The following A2ML1 variants were observed in gnomAD, a reference collection of about 807,000 sequenced individuals.
A2ML1 encodes alpha-2-macroglobulin-like protein 1.
In A2ML1, 161 loss-of-function variants were observed where a neutral mutation model predicts 181.9. The ratio of observed to expected loss-of-function variants is 0.89; its 90% CI spans 0.78 to 1.01. The LOEUF (loss-of-function observed/expected upper bound fraction) is 1.01, where lower values mean the gene tolerates loss of function less well. Among genes scored for constraint, A2ML1 ranks in the 50% least tolerant of loss-of-function variants. The pLI, the probability that A2ML1 is intolerant of heterozygous loss-of-function variation, is 0.00. For missense variants in A2ML1, 1,670 were observed against 1,768.1 expected (o/e 0.94, Z 1.00); for synonymous variants, 663 against 666.8 (o/e 0.99, Z 0.09).
intron 28 of A2ML1, among the ~76,000 whole-genome samples, chr12:8,861,511 G>A (rs1944262003): frequency 6.6e-6 from 1 of 151,998 alleles, no homozygotes; most frequent in African/African-American, 2.4e-5. Flanking sequence ...TTTTTGAGAC[G>A]GAGTCTTGCT....
intron 10 of A2ML1, 24 bp downstream of exon 10, chr12:8,839,246 T>A (rs755767201): frequency 1.9e-6 from 3 of 1,569,312 alleles, no homozygotes; most frequent in Non-Finnish European, 2.6e-6. Flanking sequence ...TTTCTCTGCA[T>A]AGACAAAAAA....
At chr12:8,842,923 C>T (rs756004924) in intron 11 of A2ML1, among the ~76,000 whole-genome samples, 7 of 152,210 alleles carry the variant, frequency 4.6e-5, no homozygotes, top group East Asian at 1.9e-4. Flanking sequence ...GCCCTTCTGT[C>T]GCTCTCCTAC....
chr12:8,823,222 TC>T lies in A2ML1; in HGVS notation c.105del (p.Val36PhefsTer8). ...ATTACCAGCCCGGCTAAATTTCCCC[TC>T]CGTTCAGAAGGTTTGTTTGGACCTG... is the stretch of plus-strand genomic sequence containing the variant. ...VTLPARLNFP[S>X]VQKVCLDLSP... On this transcript the variant is annotated frameshift_variant, in exon 2 of 36. Transcript: ENST00000299698. LOFTEE classifies it high-confidence loss of function. 3 of 1,614,040 alleles carry T rather than the reference TC, an allele frequency of 1.9e-6. No individual in the cohort carries two copies. Among genetic ancestry groups the T allele is most frequent in the Non-Finnish European group, 2.5e-6 (3 of 1,180,012 alleles).
chr12:8,844,838 C>T (rs1943611042), intron 12 of A2ML1: 1 of 308,448 alleles, frequency 3.2e-6, no homozygotes, highest in African/African-American at 2.2e-5. Flanking sequence ...AGGGCCGAGC[C>T]ACGTGGAATG....
downstream of A2ML1, among the ~76,000 whole-genome samples, chr12:8,879,185 G>A (rs1328603778): frequency 1.3e-5 from 2 of 151,852 alleles, no homozygotes; most frequent in Non-Finnish European, 2.9e-5. Flanking sequence ...GAGAGCAGAG[G>A]GAACTCTAAA....
chr12:8,835,676 G>A lies in A2ML1; in HGVS notation c.643+10G>A, dbSNP rs758546040. 3.1e-6 allele frequency: 5 copies of A among 1,613,854 alleles called. No homozygotes were observed. The African/African-American group carries it at 5.3e-5, about 17-fold the overall frequency. On this transcript the variant is annotated intron_variant, in intron 6 of 35. Transcript: ENST00000299698. ...AGTGTGGAGGAATATGGTAGGTGGG[G>A]AAATGGACAGGCCAAAGTATTGGGC... is the stretch of plus-strand genomic sequence containing the variant.
intron 1 of A2ML1, 73 bp from the exon 2 acceptor site, chr12:8,823,109 C>T (rs1942797450): frequency 8.3e-6 from 12 of 1,439,178 alleles, no homozygotes; most frequent in South Asian, 1.3e-5. Context: ...ACTTGCTGAG[C>T]GCTTAGGAGA....
chr12:8,850,589 C>T (rs1018414857), intron 18 of A2ML1, among the ~76,000 whole-genome samples: 32 of 151,760 alleles, frequency 2.1e-4, no homozygotes, highest in African/African-American at 7.3e-4. Context: ...ACAACGACAA[C>T]GACAACAACA....
intron 15 of A2ML1, 73 bp from the exon 16 acceptor site, chr12:8,848,647 C>A: frequency 7.8e-7 from 1 of 1,284,540 alleles, no homozygotes. Flanking sequence ...AACTGAGCAC[C>A]AGAATCTGAG....
intron 1 of A2ML1, 126 bp from the exon 2 acceptor site, chr12:8,823,056 G>T (rs1942795468): frequency 2.1e-6 from 2 of 931,230 alleles, no homozygotes; most frequent in East Asian, 2.4e-5. Context: ...AGAAAATGAG[G>T]TGCATAAGGA....
At chr12:8,835,409 G>A in intron 5 of A2ML1, 98 bp from the exon 6 acceptor site, 1 of 1,467,840 alleles carries the variant, frequency 6.8e-7, no homozygotes, top group East Asian at 2.3e-5. Flanking sequence ...AACAATGGGT[G>A]GGGTTTTTTA....
intron 12 of A2ML1, among the ~76,000 whole-genome samples, chr12:8,844,107 G>A (rs1174491962): frequency 6.6e-6 from 1 of 151,942 alleles, no homozygotes. Flanking sequence ...GGAAGAAAGA[G>A]ATTCTGAGCA....
At position 8,851,645 on chromosome 12, in the gene A2ML1, A is replaced by G. The variant is rs142759981; in HGVS notation, c.2235-139A>G. Reference sequence around the variant, plus strand: ...GGCCTCAAACTGCTGGGCTGAAGCTATCTGCTCACCTCAGCCTCTCAAAGA... The same window carrying G: ...GGCCTCAAACTGCTGGGCTGAAGCTGTCTGCTCACCTCAGCCTCTCAAAGA... On this transcript the variant is annotated intron_variant, in intron 18 of 35. Transcript: ENST00000299698. The G allele has an allele frequency of 6.6e-6, 5 of 757,210 alleles. No individual in the cohort carries two copies. The East Asian group carries it at 1.1e-4, about 16-fold the overall frequency. 46.9% of individuals were successfully genotyped at this position (757,210 alleles called of 1,614,324 possible).
rs774558077 is a variant in A2ML1 at position 8,852,923 on chromosome 12, T to C, written c.2590+587T>C. ...GTTGGCCAGGCTGGTCTCAAACTCCTGACCTCAGGTGACCTGCCTGCCTCG... is the reference window on the plus strand; with the variant it reads ...GTTGGCCAGGCTGGTCTCAAACTCCCGACCTCAGGTGACCTGCCTGCCTCG... On this transcript the variant is annotated intron_variant, in intron 20 of 35. Transcript: ENST00000299698. The surrounding 1 kb of genome is among the most constrained non-coding windows in gnomAD (Gnocchi z 4.2). 1.3e-5 allele frequency among the ~76,000 whole-genome samples: 2 copies of C among 152,308 alleles called. No individual in the cohort carries two copies. The highest frequency in any genetic ancestry group is 1.3e-4 in the Admixed American group (2 of 15,294).
At chr12:8,826,596 C>T (rs906732005) in intron 3 of A2ML1, among the ~76,000 whole-genome samples, 6 of 152,006 alleles carry the variant, frequency 3.9e-5, no homozygotes, top group South Asian at 4.2e-4. Flanking sequence ...TACAGGCATG[C>T]GCCACCATGC....
At chr12:8,836,481 CTTTTTTTTTTT>C (rs751110394) in intron 7 of A2ML1, 142 bp downstream of exon 7, 4 of 389,928 alleles carry the variant, frequency 1.0e-5, no homozygotes, top group Non-Finnish European at 1.8e-5. Context: ...TATCCAAGAC[CTTTTTTTTTTT>C]TTTTTTTTGA....
rs762811758 is a variant in A2ML1 at position 8,829,779 on chromosome 12, G to A, written c.462G>A (p.Lys154=). ...MDSNFVPVND[K]YSMVELQDPN... ...GCAACTTCGTTCCAGTGAATGACAA[G>A]GTGAGTTGGGAGGAGGAGAAGGAGT... Residue 154 remains lysine (K), a splice_region_variant and synonymous_variant, in exon 4 of 36, where the codon AAG becomes AAA. Coordinates refer to ENST00000299698, the MANE Select transcript of A2ML1 (RefSeq NM_144670.6). 2 of 1,613,970 alleles carry A rather than the reference G, an allele frequency of 1.2e-6. No individual in the cohort carries two copies. Among genetic ancestry groups the A allele is most frequent in the East Asian group, 4.5e-5 (2 of 44,890 alleles).
Position 8,829,654 on chromosome 12 carries a change from C to CAAA in A2ML1, c.410-53_410-51dup, listed in dbSNP as rs778132993. On this transcript the variant is annotated intron_variant, in intron 3 of 35. Coordinates refer to ENST00000299698, the MANE Select transcript of A2ML1 (RefSeq NM_144670.6). ...TGGGTGACAGAGTGAGACCCTGTATCAAAAAAAAAAAAAAAAAAAAAATTC... is the reference window on the plus strand; with the variant it reads ...TGGGTGACAGAGTGAGACCCTGTATCAAAAAAAAAAAAAAAAAAAAAAAAATTC... The CAAA allele has an allele frequency of 1.3e-3, 1,454 of 1,113,228 alleles. 2 individuals carry two copies. The highest frequency in any genetic ancestry group is 6.0e-3 in the African/African-American group (299 of 49,674). 69.0% of individuals were successfully genotyped at this position (1,113,228 alleles called of 1,614,324 possible).
At chr12:8,829,970 C>T (rs746451933) in intron 4 of A2ML1, among the ~76,000 whole-genome samples, 191 bp downstream of exon 4, 1 of 151,912 alleles carries the variant, frequency 6.6e-6, no homozygotes, top group Non-Finnish European at 1.5e-5. Flanking sequence ...TAGGAACAAG[C>T]AGAGGTAACC....
Sources: allele counts gnomAD v4.1 joint callset (sites outside exome capture counted in the v4.1 genomes callset), GRCh38; gene constraint gnomAD v4.1.1; non-coding constraint Gnocchi (gnomAD v3.1); transcripts MANE v1.5; gene names NCBI Gene and HGNC (gene_info 2026-07-23, HGNC 2026-07-21).